The following ANK3 variants were observed in gnomAD, a reference collection of about 807,000 sequenced individuals.
The protein encoded by ANK3 is ankyrin 3, also known as ankyrin-3.
A neutral mutation model predicts 370.9 loss-of-function variants in ANK3; 57 were observed. The ratio of observed to expected loss-of-function variants is 0.15; its 90% CI spans 0.12 to 0.19. The LOEUF (loss-of-function observed/expected upper bound fraction) is 0.19, where lower values mean the gene tolerates loss of function less well. ANK3 is among the 10% of genes least tolerant of loss of function. ANK3 has a pLI of 1.00. For missense variants in ANK3, 4,439 were observed against 5,302.1 expected (o/e 0.84, Z 5.06); for synonymous variants, 1,929 against 1,946.3 (o/e 0.99, Z 0.23).
intron 26 of ANK3, among the ~76,000 whole-genome samples, chr10:60,110,846 C>A (rs1666549649): frequency 6.6e-6 from 1 of 152,100 alleles, no homozygotes; most frequent in South Asian, 2.1e-4. Flanking sequence ...CTTGAAGATT[C>A]AGTTGTGTCA....
chr10:60,109,854 A>G (rs1259995239), intron 26 of ANK3, among the ~76,000 whole-genome samples: 6 of 152,228 alleles, frequency 3.9e-5, no homozygotes, highest in Non-Finnish European at 7.3e-5. Context: ...GTAGAAGCAT[A>G]TTGGAATCAC....
chr10:60,124,190 CTCTGTCGCCT>C (rs2093639406), intron 25 of ANK3, among the ~76,000 whole-genome samples: 1 of 152,202 alleles, frequency 6.6e-6, no homozygotes. Flanking sequence ...CAGAGTCTCA[CTCTGTCGCCT>C]AGGCTCAAGT....
At chr10:60,595,050 T>A (rs1394122947) in intron 2 of ANK3, among the ~76,000 whole-genome samples, 3 of 152,140 alleles carry the variant, frequency 2.0e-5, no homozygotes, top group Non-Finnish European at 4.4e-5. Flanking sequence ...AAATAAAATG[T>A]TCAGACCTTG....
chr10:60,572,390 A>T (rs2077621731), intron 2 of ANK3: 3 of 1,417,102 alleles, frequency 2.1e-6, no homozygotes, highest in African/African-American at 1.4e-5. Flanking sequence ...ATCTCTTAAA[A>T]ATTCAGCCTA....
chr10:60,043,471 C>T (rs2131869503), intron 42 of ANK3: 1 of 984,984 alleles, frequency 1.0e-6, no homozygotes, highest in South Asian at 4.7e-5. Flanking sequence ...TGAAAAATAA[C>T]CAGAGATGTT....
chr10:60,291,814 G>C (rs541830640), intron 1 of ANK3, among the ~76,000 whole-genome samples: 1 of 152,016 alleles, frequency 6.6e-6, no homozygotes, highest in Non-Finnish European at 1.5e-5. Flanking sequence ...CCAGGCTCAA[G>C]CAATCCTCCC....
At chr10:60,535,981 T>C (rs1007189423) in intron 2 of ANK3, among the ~76,000 whole-genome samples, 3 of 152,020 alleles carry the variant, frequency 2.0e-5, no homozygotes, top group African/African-American at 7.2e-5. Flanking sequence ...GTTGTTTAAA[T>C]TCAAGATTTC....
intron 1 of ANK3, among the ~76,000 whole-genome samples, chr10:60,347,093 T>C (rs1304511866): frequency 6.6e-6 from 1 of 150,484 alleles, no homozygotes; most frequent in East Asian, 1.9e-4. Flanking sequence ...TACTACCTAA[T>C]GCAGTACTGT....
At chr10:60,107,741 CTAAT>C (rs530168377) in intron 27 of ANK3, among the ~76,000 whole-genome samples, 46 of 152,258 alleles carry the variant, frequency 3.0e-4, no homozygotes, top group African/African-American at 1.1e-3. Context: ...TTTAAAAGAT[CTAAT>C]TACACACACA....
At chr10:60,218,707 C>T (rs2096987945) in intron 8 of ANK3, among the ~76,000 whole-genome samples, 1 of 151,540 alleles carries the variant, frequency 6.6e-6, no homozygotes, top group Non-Finnish European at 1.5e-5. Flanking sequence ...CTCTGGCTGC[C>T]CTTAACAGTT....
chr10:60,042,587 G>A (rs2076293865), intron 43 of ANK3, 85 bp downstream of exon 43: 1 of 1,326,878 alleles, frequency 7.5e-7, no homozygotes, highest in East Asian at 2.4e-5. Context: ...GAAAGGACGG[G>A]GAAAATCAGA....
In ANK3 at chr10:60,026,843, C is replaced by T. The variant is rs956731783; in HGVS notation, c.*3003G>A. 2.0e-5 allele frequency: 3 copies of T among 152,044 alleles called. No homozygotes were observed. The highest frequency in any genetic ancestry group is 7.2e-5 in the African/African-American group (3 of 41,390). The allele number at this position is 152,044 out of a possible 1,614,324, so 9.4% of individuals were successfully genotyped here. Reference sequence around the variant, plus strand: ...TAAGAATATAAAATGAAAAAAACAGCAAATATCCAGAACTTCTCAATCATA... The same window carrying T: ...TAAGAATATAAAATGAAAAAAACAGTAAATATCCAGAACTTCTCAATCATA... On this transcript the variant is annotated 3_prime_UTR_variant, in exon 44 of 44. Transcript: ENST00000280772.
chr10:60,712,737 C>T (rs2079727445), intron 1 of ANK3, among the ~76,000 whole-genome samples: 1 of 151,994 alleles, frequency 6.6e-6, no homozygotes, highest in African/African-American at 2.4e-5. Flanking sequence ...TATAAAGAAA[C>T]ACATAAATTA....
At chr10:60,136,389 C>T (rs2094345381) in intron 24 of ANK3, among the ~76,000 whole-genome samples, 1 of 152,098 alleles carries the variant, frequency 6.6e-6, no homozygotes, top group Non-Finnish European at 1.5e-5. Flanking sequence ...GTATTAATAA[C>T]AATGTTAAAT....
intron 1 of ANK3, among the ~76,000 whole-genome samples, chr10:60,698,500 C>G (rs1008221571): frequency 1.3e-4 from 19 of 150,034 alleles, no homozygotes; most frequent in Non-Finnish European, 2.8e-4. Flanking sequence ...TTGGAACCAA[C>G]CCAAATGTCC....
At chr10:60,173,212 G>C in intron 18 of ANK3, 26 bp from the exon 19 acceptor site, 3 of 1,552,990 alleles carry the variant, frequency 1.9e-6, no homozygotes, top group Non-Finnish European at 2.6e-6. Context: ...TTTTAAAAAA[G>C]AAGCATCATA....
At chr10:60,146,915 A>G (rs2094855111) in intron 23 of ANK3, among the ~76,000 whole-genome samples, 1 of 152,234 alleles carries the variant, frequency 6.6e-6, no homozygotes, top group Non-Finnish European at 1.5e-5. Context: ...CAGGAGTAAG[A>G]AAAAGAAATA....
chr10:60,686,054 T>G (rs545970540), intron 1 of ANK3, among the ~76,000 whole-genome samples: 5 of 152,232 alleles, frequency 3.3e-5, no homozygotes, highest in African/African-American at 1.2e-4. Flanking sequence ...AATCGAATTT[T>G]TATGCAAATT....
chr10:60,552,499 G>A (rs2077109951), intron 2 of ANK3, among the ~76,000 whole-genome samples: 2 of 152,134 alleles, frequency 1.3e-5, no homozygotes, highest in African/African-American at 4.8e-5. Context: ...TTTTGTTAAG[G>A]ATCTTGGACA....
Sources: allele counts gnomAD v4.1 joint callset (sites outside exome capture counted in the v4.1 genomes callset), GRCh38; gene constraint gnomAD v4.1.1; transcripts MANE v1.5; gene names NCBI Gene and HGNC (gene_info 2026-07-23, HGNC 2026-07-21).